The following GREB1L variants were observed in gnomAD, a reference collection of about 807,000 sequenced individuals.
The protein encoded by GREB1L is GREB1-like protein.
In GREB1L, 17 loss-of-function variants were observed where a neutral mutation model predicts 200.8. The observed-to-expected ratio is 0.08, with a 90% CI of 0.06 to 0.13. The LOEUF (loss-of-function observed/expected upper bound fraction) is 0.13, where lower values mean the gene tolerates loss of function less well. GREB1L is among the 10% of genes least tolerant of loss of function. The pLI, the probability that GREB1L is intolerant of heterozygous loss-of-function variation, is 1.00. For synonymous variants in GREB1L, 789 were observed against 893.0 expected, an observed-to-expected ratio of 0.88 and a Z score of 2.08; for missense variants, 1,657 against 2,367.7, an observed-to-expected ratio of 0.70 and a Z score of 6.23.
intron 1 of GREB1L, among the ~76,000 whole-genome samples, chr18:21,318,163 T>G (rs2038901838): frequency 6.7e-6 from 1 of 150,134 alleles, no homozygotes; most frequent in Admixed American, 6.6e-5. Context: ...GAGAATAGCC[T>G]CCTGGATTGG....
intron 1 of GREB1L, among the ~76,000 whole-genome samples, chr18:21,268,729 C>T (rs999888570): frequency 6.6e-6 from 1 of 151,110 alleles, no homozygotes; most frequent in African/African-American, 2.4e-5. Flanking sequence ...TCCTGAGTAG[C>T]TAGGACTACA....
At chr18:21,507,294 A>G (rs1475633541) in intron 25 of GREB1L, among the ~76,000 whole-genome samples, 1 of 152,218 alleles carries the variant, frequency 6.6e-6, no homozygotes, top group Non-Finnish European at 1.5e-5. Flanking sequence ...TGACTACAGT[A>G]CTAAGTAGTA....
At chr18:21,265,487 A>AT (rs201305455) in intron 1 of GREB1L, among the ~76,000 whole-genome samples, 379 of 151,502 alleles carry the variant, frequency 2.5e-3, no homozygotes, top group African/African-American at 8.6e-3. Flanking sequence ...TATTGAAACC[A>AT]TTTTTTTTTA....
chr18:21,345,388 C>T (rs571249715), intron 1 of GREB1L, among the ~76,000 whole-genome samples: 149 of 152,254 alleles, frequency 9.8e-4, no homozygotes, highest in African/African-American at 3.5e-3. Context: ...TAATCCTTGT[C>T]GTGGTCTTTA....
intron 1 of GREB1L, among the ~76,000 whole-genome samples, chr18:21,333,317 G>A (rs1240655035): frequency 1.3e-5 from 2 of 152,240 alleles, no homozygotes; most frequent in African/African-American, 2.4e-5. Context: ...TATGTATAAT[G>A]TATTATCTTA....
chr18:21,285,264 AT>A (rs1360603836), intron 1 of GREB1L, among the ~76,000 whole-genome samples: 2 of 151,676 alleles, frequency 1.3e-5, no homozygotes, highest in Non-Finnish European at 2.9e-5. Context: ...TTATCTTTTT[AT>A]TTTGTCACTT....
chr18:21,498,980 C>CT (rs1213313632), intron 21 of GREB1L, among the ~76,000 whole-genome samples: 1 of 152,172 alleles, frequency 6.6e-6, no homozygotes, highest in Non-Finnish European at 1.5e-5. Context: ...AGTGGCTGGT[C>CT]TGTTAGGAGG....
At chr18:21,312,823 A>G (rs1374348923) in intron 1 of GREB1L, among the ~76,000 whole-genome samples, 2 of 152,162 alleles carry the variant, frequency 1.3e-5, no homozygotes, top group Non-Finnish European at 2.9e-5. Context: ...AAATTCTGGG[A>G]TTACAGGTGT....
At chr18:21,512,733 T>C (rs2037285819) in intron 27 of GREB1L, among the ~76,000 whole-genome samples, 2 of 152,138 alleles carry the variant, frequency 1.3e-5, no homozygotes, top group Non-Finnish European at 2.9e-5. Context: ...GTCTTGTTCA[T>C]GATCTCAGTT....
intron 1 of GREB1L, among the ~76,000 whole-genome samples, chr18:21,360,086 A>C (rs1391331820): frequency 6.6e-6 from 1 of 152,204 alleles, no homozygotes; most frequent in African/African-American, 2.4e-5. Flanking sequence ...TTTATTGATA[A>C]ATACTTCCAA....
intron 7 of GREB1L, among the ~76,000 whole-genome samples, chr18:21,407,937 A>G (rs1330063308): frequency 6.6e-6 from 1 of 152,194 alleles, no homozygotes; most frequent in Non-Finnish European, 1.5e-5. Context: ...GGAGACAGAG[A>G]GTAGAATGAT....
chr18:21,451,309 G>A, intron 13 of GREB1L, 158 bp downstream of exon 13: 2 of 760,352 alleles, frequency 2.6e-6, no homozygotes, highest in Non-Finnish European at 4.1e-6. Flanking sequence ...TAACACCACA[G>A]GAAGCAGTAA....
chr18:21,484,179 AT>A lies in GREB1L; in HGVS notation c.2557-1427del, dbSNP rs796268088. The stretch of plus-strand genomic sequence containing the variant: ...ATACATACATACATATATATATATA[AT>A]TTTTTTTTTTTTTGAGATGGAGTTT... On this transcript the variant is annotated intron_variant, in intron 17 of 32. Transcript: ENST00000424526. 5.2e-3 allele frequency among the ~76,000 whole-genome samples: 741 copies of A among 141,318 alleles called. 1 individual carries two copies. Among genetic ancestry groups the A allele is most frequent in the South Asian group, 9.7e-3 (43 of 4,436 alleles). 92.7% of individuals were successfully genotyped at this position (141,318 alleles called of 152,430 possible). A position where few individuals can be genotyped will look rare whatever the true frequency, so the allele number is the denominator to read the frequency against.
At chr18:21,251,944 C>CAAA (rs11422185) in intron 1 of GREB1L, among the ~76,000 whole-genome samples, 7 of 72,870 alleles carry the variant, frequency 9.6e-5, no homozygotes, top group African/African-American at 2.3e-4. Flanking sequence ...GACTCCATCT[C>CAAA]AAAAAAAAAA....
intron 7 of GREB1L, among the ~76,000 whole-genome samples, chr18:21,409,568 G>A (rs1267142302): frequency 6.6e-6 from 1 of 152,162 alleles, no homozygotes; most frequent in African/African-American, 2.4e-5. Context: ...TTAAAAAGCT[G>A]CTCTGAGAAA....
At chr18:21,468,927 G>A (rs1268520668) in intron 15 of GREB1L, 13 of 380,408 alleles carry the variant, frequency 3.4e-5, no homozygotes, top group Non-Finnish European at 6.3e-5. Context: ...GTGATACTGT[G>A]TCCTCATTGC....
At chr18:21,470,474 A>G (rs1298078284) in intron 15 of GREB1L, among the ~76,000 whole-genome samples, 12 of 152,198 alleles carry the variant, frequency 7.9e-5, no homozygotes. Flanking sequence ...TCCTAGATAC[A>G]TAATATTTTT....
intron 1 of GREB1L, among the ~76,000 whole-genome samples, chr18:21,249,576 C>T (rs1173161550): frequency 1.3e-5 from 2 of 152,020 alleles, no homozygotes; most frequent in African/African-American, 4.8e-5. Flanking sequence ...GATATCTGGC[C>T]GGGTGTGGTG....
At chr18:21,434,418 G>A (rs977509324) in intron 7 of GREB1L, among the ~76,000 whole-genome samples, 3 of 151,390 alleles carry the variant, frequency 2.0e-5, no homozygotes, top group Admixed American at 2.0e-4. Flanking sequence ...AGAGGTTGCA[G>A]TGAGCCGAGA....
Sources: gnomAD v4.1 joint callset for allele counts (sites outside exome capture counted in the v4.1 genomes callset) on GRCh38, gnomAD v4.1.1 for gene constraint, MANE v1.5 for transcripts, NCBI Gene and HGNC (gene_info 2026-07-23, HGNC 2026-07-21) for gene names.